MYT1L: variants seen among roughly 807,000 people sequenced by gnomAD.
The protein encoded by MYT1L is myelin transcription factor 1-like protein.
A neutral mutation model predicts 126.7 loss-of-function variants in MYT1L; 12 were observed. That is an observed-to-expected ratio of 0.09 (90% CI 0.06 to 0.15). MYT1L has a LOEUF of 0.15. Among genes scored for constraint, MYT1L ranks in the 10% least tolerant of loss-of-function variants. The pLI is 1.00. For missense variants in MYT1L, 979 were observed against 1,585.2 expected, an observed-to-expected ratio of 0.62 and a Z score of 6.49; for synonymous variants, 541 against 604.2, an observed-to-expected ratio of 0.90 and a Z score of 1.53.
intron 21 of MYT1L, among the ~76,000 whole-genome samples, chr2:1,824,210 A>G (rs1204148157): frequency 6.6e-6 from 1 of 152,274 alleles, no homozygotes; most frequent in Admixed American, 6.5e-5. Flanking sequence ...GCCTGCATTA[A>G]GCATTTTAGA....
At chr2:1,842,401 C>T (rs936179078) in intron 19 of MYT1L, 1 of 152,368 alleles carries the variant, frequency 6.6e-6, no homozygotes, top group Non-Finnish European at 1.5e-5. Context: ...TCCCAGGCCC[C>T]TGCTGCCCCA....
At chr2:2,027,908 A>G (rs1178122331) in intron 4 of MYT1L, among the ~76,000 whole-genome samples, 1 of 152,240 alleles carries the variant, frequency 6.6e-6, no homozygotes, top group African/African-American at 2.4e-5. Flanking sequence ...TTTTTACTTT[A>G]GAGCTCAGGA....
chr2:2,091,389 G>T (rs993560110), intron 3 of MYT1L, among the ~76,000 whole-genome samples: 4 of 152,116 alleles, frequency 2.6e-5, no homozygotes, highest in Admixed American at 2.6e-4. Flanking sequence ...TTTCTGAGCA[G>T]TAGGTCTCAA....
intron 4 of MYT1L, among the ~76,000 whole-genome samples, chr2:2,009,400 T>G (rs2063607637): frequency 6.6e-6 from 1 of 152,226 alleles, no homozygotes; most frequent in Non-Finnish European, 1.5e-5. Flanking sequence ...TTTATAGTTT[T>G]TGGTGTACAT....
intron 2 of MYT1L, among the ~76,000 whole-genome samples, chr2:2,206,075 C>G (rs191149689): frequency 6.6e-6 from 1 of 151,876 alleles, no homozygotes; most frequent in African/African-American, 2.4e-5. Flanking sequence ...CTCCACCTCC[C>G]AGGTTCAAGC....
chr2:2,134,812 G>A (rs534039267), intron 3 of MYT1L, among the ~76,000 whole-genome samples: 180 of 152,204 alleles, frequency 1.2e-3, no homozygotes, highest in African/African-American at 4.1e-3. Context: ...CTCTTTCCTC[G>A]TCTGTGGCTA....
rs933066702 is a variant in MYT1L, at chr2:1,887,719, CTG to C, written c.2521-112_2521-111del. The C allele has an allele frequency of 7.7e-7, 1 of 1,304,774 alleles. No homozygotes were observed. Among genetic ancestry groups the C allele is most frequent in the African/African-American group, 1.5e-5 (1 of 67,828 alleles). 80.8% of individuals were successfully genotyped at this position (1,304,774 alleles called of 1,614,324 possible). On this transcript the variant is annotated intron_variant, in intron 16 of 24. Coordinates refer to ENST00000647738, the MANE Select transcript of MYT1L (RefSeq NM_001303052.2). The surrounding 1 kb of genome is among the most constrained non-coding windows in gnomAD (Gnocchi z 4.8). ...CCTCTACATCTTACACCTCTTTCTGCTGTACCTTTAAGATCCTTTTGGTCCTG... is the reference window on the plus strand; with the variant it reads ...CCTCTACATCTTACACCTCTTTCTGCTACCTTTAAGATCCTTTTGGTCCTG...
At chr2:1,861,003 G>C (rs2044516714) in intron 18 of MYT1L, among the ~76,000 whole-genome samples, 1 of 151,142 alleles carries the variant, frequency 6.6e-6, no homozygotes, top group African/African-American at 2.4e-5. Context: ...ACACACACTT[G>C]TGCACACACA....
At chr2:2,163,687 G>A (rs575521527) in intron 3 of MYT1L, among the ~76,000 whole-genome samples, 23 of 151,244 alleles carry the variant, frequency 1.5e-4, no homozygotes, top group Admixed American at 2.6e-4. Flanking sequence ...AGCCGATACT[G>A]AGATAGCGCC....
At chr2:2,226,263 G>A (rs2094006437) in intron 2 of MYT1L, among the ~76,000 whole-genome samples, 1 of 152,138 alleles carries the variant, frequency 6.6e-6, no homozygotes, top group Non-Finnish European at 1.5e-5. Flanking sequence ...GAACATAGCG[G>A]GGGCTTTTCA....
intron 3 of MYT1L, among the ~76,000 whole-genome samples, chr2:2,073,782 C>A (rs1009633356): frequency 6.6e-6 from 1 of 152,162 alleles, no homozygotes; most frequent in Non-Finnish European, 1.5e-5. Flanking sequence ...TTCTTTCTCC[C>A]TCCCACTATC....
intron 4 of MYT1L, among the ~76,000 whole-genome samples, chr2:2,042,209 C>G (rs1043314764): frequency 6.6e-6 from 1 of 152,150 alleles, no homozygotes; most frequent in Non-Finnish European, 1.5e-5. Flanking sequence ...TAGGCTGATA[C>G]GAATCTTCTG....
At chr2:1,814,153 G>A (rs2037256289) in intron 21 of MYT1L, among the ~76,000 whole-genome samples, 1 of 152,126 alleles carries the variant, frequency 6.6e-6, no homozygotes, top group East Asian at 1.9e-4. Context: ...GCCTCCCGCT[G>A]TCCACTCACG....
At chr2:1,927,407 A>G (rs1380663757) in intron 9 of MYT1L, among the ~76,000 whole-genome samples, 1 of 152,234 alleles carries the variant, frequency 6.6e-6, no homozygotes, top group African/African-American at 2.4e-5. Flanking sequence ...CAATTAGAAA[A>G]TGAAAACATC....
intron 1 of MYT1L, among the ~76,000 whole-genome samples, chr2:2,316,033 A>T (rs2096059572): frequency 6.6e-6 from 1 of 152,274 alleles, no homozygotes; most frequent in East Asian, 1.9e-4. Context: ...GTTAAATAAA[A>T]CATATCTGTG....
chr2:2,088,657 G>T (rs1375824202), intron 3 of MYT1L, among the ~76,000 whole-genome samples: 1 of 152,112 alleles, frequency 6.6e-6, no homozygotes, highest in Non-Finnish European at 1.5e-5. Flanking sequence ...CTAGTTCTAA[G>T]TACTAGTATA....
intron 21 of MYT1L, 22 bp from the exon 22 acceptor site, chr2:1,809,189 G>A: frequency 6.2e-7 from 1 of 1,609,172 alleles, no homozygotes; most frequent in African/African-American, 1.3e-5. Flanking sequence ...ACACAGGACG[G>A]CCATTAGTCA....
At position 1,806,803 on chromosome 2, in the gene MYT1L, ACTTC is replaced by A. The variant is rs773128200; in HGVS notation, c.3172+2269_3172+2272del. On this transcript the variant is annotated intron_variant, in intron 22 of 24. Transcript: ENST00000647738. This position sits in a 1 kb window ranked among gnomAD's most constrained non-coding sequence, Gnocchi z 4.9. The stretch of plus-strand genomic sequence containing the variant: ...AACTGGCCTACCTAACCTAACCGCC[ACTTC>A]CTTCATTAATGGGGAACAAAGGCAC... 6.6e-6 allele frequency among the ~76,000 whole-genome samples: 1 copy of A among 152,068 alleles called. No individual in the cohort carries two copies. The highest frequency in any genetic ancestry group is 1.5e-5 in the Non-Finnish European group (1 of 68,002).
Position 1,887,495 on chromosome 2 carries a change from A to T in MYT1L, c.2635T>A (p.Leu879Ile). The T allele has an allele frequency of 6.2e-7, 1 of 1,614,058 alleles. No homozygotes were observed. The highest frequency in any genetic ancestry group is 8.5e-7 in the Non-Finnish European group (1 of 1,179,902). ...YPQCKESKKD[L>I]ITLSGCPLAD... The stretch of plus-strand genomic sequence containing the variant: ...ACCTCACAGCATGCTTACGTTATTA[A>T]GTCCTTTTTGCTCTCCTTGCACTGA... The change falls in exon 17 of 25, where the codon TTA becomes ATA. Residue 879 changes from leucine (L) to isoleucine (I), a missense_variant. Coordinates refer to ENST00000647738, the MANE Select transcript of MYT1L (RefSeq NM_001303052.2). This position sits in a 1 kb window ranked among gnomAD's most constrained non-coding sequence, Gnocchi z 4.8.
Sources: gnomAD v4.1 joint callset for allele counts (sites outside exome capture counted in the v4.1 genomes callset) on GRCh38, gnomAD v4.1.1 for gene constraint, Gnocchi (gnomAD v3.1) non-coding constraint, MANE v1.5 for transcripts, NCBI Gene and HGNC (gene_info 2026-07-23, HGNC 2026-07-21) for gene names.